The following CCDC66 variants were observed in gnomAD, a reference collection of about 807,000 sequenced individuals.
The protein encoded by CCDC66 is coiled-coil domain-containing protein 66.
CCDC66 carries 133 observed loss-of-function variants against 128.3 expected under a neutral mutation model. That is an observed-to-expected ratio of 1.04 (90% CI 0.90 to 1.20). CCDC66 has a LOEUF of 1.20. Ranked by LOEUF, CCDC66 falls within the 50% of genes most tolerant of loss-of-function variation. CCDC66 has a pLI of 0.00. For synonymous variants in CCDC66, 387 were observed against 357.0 expected, an observed-to-expected ratio of 1.08 and a Z score of -0.95; for missense variants, 1,126 against 1,075.5, an observed-to-expected ratio of 1.05 and a Z score of -0.66.
chr3:56,568,434 C>A (rs1169917197), intron 6 of CCDC66, among the ~76,000 whole-genome samples: 1 of 152,010 alleles, frequency 6.6e-6, no homozygotes, highest in East Asian at 1.9e-4. Context: ...TATCAAAAGT[C>A]GTATTTTATA....
At chr3:56,597,815 C>A (rs1189019706) in intron 10 of CCDC66, among the ~76,000 whole-genome samples, 1 of 95,344 alleles carries the variant, frequency 1.0e-5, no homozygotes. Flanking sequence ...CGCTCTGTTG[C>A]CTAGGCTGGA....
intron 7 of CCDC66, among the ~76,000 whole-genome samples, chr3:56,590,770 CA>C (rs1473769697): frequency 1.3e-5 from 2 of 151,478 alleles, no homozygotes; most frequent in South Asian, 2.1e-4. Flanking sequence ...AATAAAAACA[CA>C]AAAGAGAATA....
chr3:56,598,150 TTTTGTTTGTTTG>T (rs149176783), intron 10 of CCDC66, among the ~76,000 whole-genome samples: 25 of 109,114 alleles, frequency 2.3e-4, no homozygotes, highest in African/African-American at 6.2e-4. Context: ...TTTTGTTTTG[TTTTGTTTGTTTG>T]TTTGTTTGTT....
chr3:56,619,322 A>G lies in CCDC66; in HGVS notation c.2430A>G (p.Gln810=). The change falls in exon 16 of 18, where the codon CAA becomes CAG. Residue 810 remains glutamine (Q), a synonymous_variant. Coordinates refer to ENST00000394672, the MANE Select transcript of CCDC66 (RefSeq NM_001141947.3). The part of the protein sequence containing the change: ...PVVKNRTQQT[Q]NTLHLPLKNS... ...TGAAAAACAGAACCCAACAAACTCAAAATACATTACATTTACCACTAAAAA... is the reference window on the plus strand; with the variant it reads ...TGAAAAACAGAACCCAACAAACTCAGAATACATTACATTTACCACTAAAAA... 2 of 1,613,622 alleles carry G rather than the reference A, an allele frequency of 1.2e-6. No individual in the cohort carries two copies. Among genetic ancestry groups the G allele is most frequent in the Non-Finnish European group, 8.5e-7 (1 of 1,179,750 alleles).
chr3:56,612,790 G>GC (rs1480990397), intron 10 of CCDC66, among the ~76,000 whole-genome samples: 1 of 152,186 alleles, frequency 6.6e-6, no homozygotes, highest in Non-Finnish European at 1.5e-5. Flanking sequence ...GGTGTCCTGG[G>GC]CAGGGCAGTC....
intron 3 of CCDC66, 141 bp from the exon 4 acceptor site, chr3:56,563,541 TAA>T: frequency 1.6e-6 from 1 of 612,974 alleles, no homozygotes; most frequent in South Asian, 2.3e-5. Context: ...TTGCAAGTAT[TAA>T]GAGTTAGTTT....
intron 12 of CCDC66, chr3:56,615,500 A>G: frequency 2.3e-6 from 1 of 439,650 alleles, no homozygotes; most frequent in Non-Finnish European, 4.0e-6. Flanking sequence ...TGGCCTCCCA[A>G]AGTGTTGGGA....
intron 10 of CCDC66, among the ~76,000 whole-genome samples, chr3:56,604,523 C>G (rs2073765569): frequency 6.6e-6 from 1 of 151,902 alleles, no homozygotes; most frequent in African/African-American, 2.4e-5. Flanking sequence ...TTTTATTTCT[C>G]CTTTGCTTAT....
At chr3:56,594,486 C>G (rs887672947) in intron 10 of CCDC66, among the ~76,000 whole-genome samples, 1 of 151,774 alleles carries the variant, frequency 6.6e-6, no homozygotes, top group Non-Finnish European at 1.5e-5. Context: ...GAGATCAAGA[C>G]CATCCTGTGA....
intron 7 of CCDC66, among the ~76,000 whole-genome samples, chr3:56,585,988 ATATT>A (rs1358921091): frequency 6.6e-6 from 1 of 151,932 alleles, no homozygotes; most frequent in Non-Finnish European, 1.5e-5. Context: ...AACCATATCT[ATATT>A]TAAAGAAAGA....
At chr3:56,619,087 G>C in intron 15 of CCDC66, 184 bp from the exon 16 acceptor site, 1 of 526,362 alleles carries the variant, frequency 1.9e-6, no homozygotes, top group Non-Finnish European at 3.3e-6. Flanking sequence ...GCACTGTGGC[G>C]TGCGCCTGTA....
chr3:56,601,831 CTT>C (rs1267343070), intron 10 of CCDC66, among the ~76,000 whole-genome samples: 1 of 152,052 alleles, frequency 6.6e-6, no homozygotes, highest in African/African-American at 2.4e-5. Flanking sequence ...TATCCTGAGA[CTT>C]TGCTGAAGTT....
rs966310978 is a variant in CCDC66, at chr3:56,559,788, A to T, written c.102+194A>T. On this transcript the variant is annotated intron_variant, in intron 3 of 17. Coordinates refer to ENST00000394672, the MANE Select transcript of CCDC66 (RefSeq NM_001141947.3). Reference sequence around the variant, plus strand: ...ATCATTTTAGGTTTAGCCCAATAGAACCTCTTTCTCTAGATAAGTGCTATT... The same window carrying T: ...ATCATTTTAGGTTTAGCCCAATAGATCCTCTTTCTCTAGATAAGTGCTATT... 2.0e-5 allele frequency among the ~76,000 whole-genome samples: 3 copies of T among 152,092 alleles called. 1 individual carries two copies. In the South Asian group the frequency reaches 6.2e-4, roughly 32 times the overall value.
At chr3:56,575,958 A>G (rs549347949) in intron 7 of CCDC66, among the ~76,000 whole-genome samples, 1 of 151,908 alleles carries the variant, frequency 6.6e-6, no homozygotes, top group East Asian at 2.0e-4. Context: ...ACCATCAGGA[A>G]CTATGACCCT....
intron 3 of CCDC66, among the ~76,000 whole-genome samples, chr3:56,562,791 A>C (rs946496088): frequency 7.9e-4 from 118 of 148,774 alleles, no homozygotes; most frequent in Non-Finnish European, 1.2e-3. Context: ...GGAGCCCACC[A>C]CCACGCCCAG....
intron 10 of CCDC66, among the ~76,000 whole-genome samples, chr3:56,606,232 CCTGA>C (rs1306411513): frequency 6.6e-6 from 1 of 152,054 alleles, no homozygotes; most frequent in East Asian, 1.9e-4. Flanking sequence ...ACCCTCCGAG[CCTGA>C]CTACTTGCAA....
In CCDC66 at chr3:56,619,688, TATA is replaced by T. The variant is rs1043655281; in HGVS notation, c.2636-86_2636-84del. On this transcript the variant is annotated intron_variant, in intron 16 of 17. Transcript: ENST00000394672. ...GTACTTTCCTAGGATACATACTTAT[TATA>T]ATGACTCCTGACAATATTATATAGC... The T allele has an allele frequency of 7.9e-6, 12 of 1,513,856 alleles. No homozygotes were observed. In the East Asian group the frequency reaches 1.4e-4, roughly 17 times the overall value. The allele number at this position is 1,513,856 out of a possible 1,614,324, so 93.8% of individuals were successfully genotyped here.
In CCDC66 at chr3:56,593,997, A is replaced by G; in HGVS notation, c.1373A>G (p.Asp458Gly). The G allele has an allele frequency of 6.2e-7, 1 of 1,614,160 alleles. No individual in the cohort carries two copies. Among genetic ancestry groups the G allele is most frequent in the South Asian group, 1.1e-5 (1 of 91,076 alleles). ...GACCCAGCTCAGATTGAGGAACGAG[A>G]CAGACGACGACAAAAACAATTAGAG... ...LLDPAQIEER[D>G]RRRQKQLEHQ... Residue 458 changes from aspartate to glycine, a missense_variant, in exon 10 of 18, where the codon GAC becomes GGC. By Grantham distance (94) the Asp-to-Gly change is moderately conservative (BLOSUM62 -1). Transcript: ENST00000394672.
At chr3:56,612,813 G>T in intron 10 of CCDC66, among the ~76,000 whole-genome samples, 1 of 152,176 alleles carries the variant, frequency 6.6e-6, no homozygotes, top group East Asian at 1.9e-4. Flanking sequence ...CAGGTCCCTG[G>T]ACCAATGTGC....
Sources: gnomAD v4.1 joint callset for allele counts (sites outside exome capture counted in the v4.1 genomes callset) on GRCh38, gnomAD v4.1.1 for gene constraint, MANE v1.5 for transcripts, NCBI Gene and HGNC (gene_info 2026-07-23, HGNC 2026-07-21) for gene names.